Variants in ERP29 observed in about 807,000 individuals in gnomAD.
The protein encoded by ERP29 is endoplasmic reticulum protein 29.
A neutral mutation model predicts 21.7 loss-of-function variants in ERP29; 14 were observed. The observed-to-expected ratio is 0.64, with a 90% CI of 0.43 to 1.01. ERP29 has a LOEUF of 1.01. Among genes scored for constraint, ERP29 ranks in the 50% least tolerant of loss-of-function variants. ERP29 has a pLI of 0.00. For synonymous variants in ERP29, 129 were observed against 139.1 expected (o/e 0.93, Z 0.51); for missense variants, 286 against 327.3 (o/e 0.87, Z 0.97).
Position 112,013,452 on chromosome 12 carries a change from A to G in ERP29, c.-14A>G, listed in dbSNP as rs760739366. On this transcript the variant is annotated 5_prime_UTR_variant, in exon 1 of 3. Transcript: ENST00000261735. ...CTATCGCTTACCTACCTCCCTCTGC[A>G]GGAACCCGGCGATATGGCTGCCGCT... The G allele has an allele frequency of 1.2e-6, 2 of 1,606,362 alleles. No individual in the cohort carries two copies. Among genetic ancestry groups the G allele is most frequent in the Non-Finnish European group, 1.7e-6 (2 of 1,176,360 alleles).
At chr12:112,017,516 A>G (rs1289987204) in intron 1 of ERP29, among the ~76,000 whole-genome samples, 3 of 152,210 alleles carry the variant, frequency 2.0e-5, no homozygotes, top group African/African-American at 7.2e-5. Context: ...AGCAAATGAA[A>G]AAGCTCTTGA....
chr12:112,017,781 TTC>T (rs1304851386), intron 1 of ERP29, among the ~76,000 whole-genome samples: 8 of 141,786 alleles, frequency 5.6e-5, no homozygotes, highest in Non-Finnish European at 1.1e-4. Flanking sequence ...ATCTTTTTTT[TTC>T]TTTTTTTTTT....
chr12:112,017,783 CTTTTTTTTT>C lies in ERP29; in HGVS notation c.145-1963_145-1955del, dbSNP rs1179680378. ...ACAAGAACATTGTATCTTTTTTTTT[CTTTTTTTTT>C]TTTTTTTTTGAGGTGGAGTTTCATT... On this transcript the variant is annotated intron_variant, in intron 1 of 2. Coordinates refer to ENST00000261735, the MANE Select transcript of ERP29 (RefSeq NM_006817.4). Among the ~76,000 whole-genome samples, 1,194 of 124,152 alleles carry C rather than the reference CTTTTTTTTT, an allele frequency of 9.6e-3. 24 individuals carry two copies. The highest frequency in any genetic ancestry group is 0.035 in the African/African-American group (1,087 of 31,438). 81.4% of individuals were successfully genotyped at this position (124,152 alleles called of 152,430 possible).
At position 112,019,785 on chromosome 12, in the gene ERP29, G is replaced by A. The variant is rs769640811; in HGVS notation, c.174G>A (p.Val58=). ...KVIPKSKFVL[V]KFDTQYPYGE... is the part of the protein sequence containing the mutation. ...TTCCCAAAAGCAAGTTCGTCTTGGTGAAGTTCGACACCCAGTACCCCTACG... is the reference window on the plus strand; with the variant it reads ...TTCCCAAAAGCAAGTTCGTCTTGGTAAAGTTCGACACCCAGTACCCCTACG... Residue 58 remains valine (V), a synonymous_variant, in exon 2 of 3, where the codon GTG becomes GTA. Coordinates refer to ENST00000261735, the MANE Select transcript of ERP29 (RefSeq NM_006817.4). 6.2e-7 allele frequency: 1 copy of A among 1,613,982 alleles called. No individual in the cohort carries two copies. The highest frequency in any genetic ancestry group is 1.7e-5 in the Admixed American group (1 of 59,990).
rs10774648 is a variant in ERP29, at chr12:112,022,343, T to G, written c.477T>G (p.Pro159=). ...GVYLGMPGCL[P]VYDALAGEFI... ...ACCTAGGTATGCCTGGTTGCCTGCC[T>G]GTATACGACGCCCTGGCCGGGGAGT... Residue 159 remains proline (P), a synonymous_variant, in exon 3 of 3, where the codon CCT becomes CCG. Transcript: ENST00000261735. 62,689 of 1,613,960 alleles carry G rather than the reference T, an allele frequency of 0.039. 11,696 individuals carry two copies. The East Asian group carries it at 0.64, about 16-fold the overall frequency.
intron 1 of ERP29, 37 bp downstream of exon 1, chr12:112,013,646 C>CGGGGCGCCCGGAAGAG: frequency 6.7e-7 from 1 of 1,501,830 alleles, no homozygotes; most frequent in Non-Finnish European, 8.9e-7. Context: ...CAGGTGCCGC[C>CGGGGCGCCCGGAAGAG]GGGGCGCCCG....
chr12:112,019,439 G>C, intron 1 of ERP29: 1 of 393,146 alleles, frequency 2.5e-6, no homozygotes, highest in Non-Finnish European at 4.8e-6. Context: ...GTAGTATGCA[G>C]AGGGTCTCCT....
At chr12:112,014,547 G>A (rs1189890063) in intron 1 of ERP29, 2 of 152,238 alleles carry the variant, frequency 1.3e-5, no homozygotes, top group Admixed American at 6.5e-5. Context: ...AGGCATGGAA[G>A]AATTTGCCAC....
chr12:112,022,508 G>T lies in ERP29; in HGVS notation c.642G>T (p.Glu214Asp), dbSNP rs1235658447. ...TGGGGAAGATCTTAGACCAAGGGGA[G>T]GACTTCCCAGCATCAGAGATGACAC... Reference protein sequence around the residue: ...KIMGKILDQGEDFPASEMTRI... With the variant: ...KIMGKILDQGDDFPASEMTRI... The change falls in exon 3 of 3, where the codon GAG becomes GAT. Residue 214 changes from glutamate to aspartate, a missense_variant. Coordinates refer to ENST00000261735, the MANE Select transcript of ERP29 (RefSeq NM_006817.4). 1 of 1,614,166 alleles carries T rather than the reference G, an allele frequency of 6.2e-7. No homozygotes were observed.
chr12:112,020,003 AG>A, intron 2 of ERP29, 109 bp downstream of exon 2: 1 of 1,338,552 alleles, frequency 7.5e-7, no homozygotes, highest in Non-Finnish European at 1.1e-6. Flanking sequence ...GCCACTCTCA[AG>A]GAGTGTAAGT....
Position 112,013,507 on chromosome 12 carries a change from G to C in ERP29, c.42G>C (p.Leu14=). 6.2e-7 allele frequency: 1 copy of C among 1,612,422 alleles called. No homozygotes were observed. The highest frequency in any genetic ancestry group is 1.7e-4 in the Middle Eastern group (1 of 6,058). ...AVPRAAFLSP[L]LPLLLGFLLL... is the part of the protein sequence containing the mutation. ...CCCGCGCCGCATTTCTCTCCCCGCT[G>C]CTTCCCCTTCTCCTGGGCTTCCTGC... is the stretch of plus-strand genomic sequence containing the variant. Residue 14 remains leucine (L), a synonymous_variant, in exon 1 of 3, where the codon CTG becomes CTC. Coordinates refer to ENST00000261735, the MANE Select transcript of ERP29 (RefSeq NM_006817.4).
In ERP29 at chr12:112,013,462, C is replaced by T. The variant is rs375319013; in HGVS notation, c.-4C>T. 5.2e-5 allele frequency: 84 copies of T among 1,608,808 alleles called. No homozygotes were observed. In the African/African-American group the frequency reaches 8.0e-4, roughly 15 times the overall value. Reference sequence around the variant, plus strand: ...CCTACCTCCCTCTGCAGGAACCCGGCGATATGGCTGCCGCTGTGCCCCGCG... The same window carrying T: ...CCTACCTCCCTCTGCAGGAACCCGGTGATATGGCTGCCGCTGTGCCCCGCG... On this transcript the variant is annotated 5_prime_UTR_variant, in exon 1 of 3. Coordinates refer to ENST00000261735, the MANE Select transcript of ERP29 (RefSeq NM_006817.4).
At chr12:112,015,823 A>G (rs1435872349) in intron 1 of ERP29, among the ~76,000 whole-genome samples, 1 of 151,968 alleles carries the variant, frequency 6.6e-6, no homozygotes, top group Non-Finnish European at 1.5e-5. Flanking sequence ...TCTCCCAACC[A>G]TTCTCCTACT....
At chr12:112,020,072 G>A (rs1364773470) in intron 2 of ERP29, among the ~76,000 whole-genome samples, 178 bp downstream of exon 2, 3 of 152,156 alleles carry the variant, frequency 2.0e-5, no homozygotes, top group Non-Finnish European at 2.9e-5. Flanking sequence ...AACCTGAGCA[G>A]ATTTTGGGAC....
In ERP29 at chr12:112,022,373, C is replaced by T. The variant is rs146630099; in HGVS notation, c.507C>T (p.Ile169=). The T allele has an allele frequency of 1.9e-6, 3 of 1,614,172 alleles. No homozygotes were observed. In the African/African-American group the frequency reaches 4.0e-5, roughly 22 times the overall value. The change falls in exon 3 of 3, where the codon ATC becomes ATT. Residue 169 remains isoleucine, a synonymous_variant. Coordinates refer to ENST00000261735, the MANE Select transcript of ERP29 (RefSeq NM_006817.4). ...ACGACGCCCTGGCCGGGGAGTTCAT[C>T]AGGGCCTCTGGTGTGGAGGCCCGCC... ...PVYDALAGEF[I]RASGVEARQA...
chr12:112,022,739 G>C lies in ERP29; in HGVS notation c.*87G>C. The C allele has an allele frequency of 2.2e-6, 3 of 1,389,644 alleles. No homozygotes were observed. The South Asian group carries it at 4.1e-5, about 19-fold the overall frequency. The allele number at this position is 1,389,644 out of a possible 1,614,324, so 86.1% of individuals were successfully genotyped here. A position where few individuals can be genotyped will look rare whatever the true frequency, so the allele number is the denominator to read the frequency against. On this transcript the variant is annotated 3_prime_UTR_variant, in exon 3 of 3. Coordinates refer to ENST00000261735, the MANE Select transcript of ERP29 (RefSeq NM_006817.4). ...GCTGTGAGTCCCTTGTGGAATATAA[G>C]GGGGTAGTGGGAAAAGTGGTACTAA...
In ERP29 at chr12:112,016,900, T is replaced by A. The variant is rs546891300; in HGVS notation, c.145-2856T>A. Among the ~76,000 whole-genome samples, 503 of 151,572 alleles carry A rather than the reference T, an allele frequency of 3.3e-3. 4 individuals carry two copies. Among genetic ancestry groups the A allele is most frequent in the East Asian group, 0.015 (77 of 5,158 alleles). On this transcript the variant is annotated intron_variant, in intron 1 of 2. Coordinates refer to ENST00000261735, the MANE Select transcript of ERP29 (RefSeq NM_006817.4). ...GCGAGACCCTGCCTCAAAAAAAAAA[T>A]AAAAAATAACAGACTAAGATAACAA...
rs533921613 is a variant in ERP29 at position 112,019,917 on chromosome 12, T to TG, written c.283+30dup. ...CAGGTATGGACAAGTCCAGGACGGC[T>TG]GGGGGGGCAGAGAGGGAGGAAGCTA... On this transcript the variant is annotated intron_variant, in intron 2 of 2. Coordinates refer to ENST00000261735, the MANE Select transcript of ERP29 (RefSeq NM_006817.4). The TG allele has an allele frequency of 6.6e-5, 107 of 1,612,926 alleles. 2 individuals are homozygous for TG. Among genetic ancestry groups the TG allele is most frequent in the South Asian group, 5.1e-4 (46 of 91,032 alleles).
intron 2 of ERP29, 88 bp from the exon 3 acceptor site, chr12:112,022,062 C>T: frequency 7.3e-7 from 1 of 1,376,434 alleles, no homozygotes; most frequent in African/African-American, 1.4e-5. Context: ...GAAAATTCTT[C>T]TTTCCCTCAG....
Sources: allele counts gnomAD v4.1 joint callset (sites outside exome capture counted in the v4.1 genomes callset), GRCh38; gene constraint gnomAD v4.1.1; transcripts MANE v1.5; gene names NCBI Gene and HGNC (gene_info 2026-07-23, HGNC 2026-07-21).